Variants in LTBP1 observed in about 807,000 individuals in gnomAD.
LTBP1 encodes latent transforming growth factor beta binding protein 1.
Under a neutral mutation model 207.6 loss-of-function variants are expected in LTBP1, and 129 were observed. The observed-to-expected ratio is 0.62, with a 90% CI of 0.54 to 0.72. LTBP1 has a LOEUF of 0.72. Ranked by LOEUF, LTBP1 falls within the 30% of genes least tolerant of loss-of-function variation. LTBP1 has a pLI of 0.00. For missense variants in LTBP1, 2,281 were observed against 2,217.2 expected (o/e 1.03, Z -0.58); for synonymous variants, 963 against 833.7 (o/e 1.16, Z -2.67).
chr2:33,075,192 A>C (rs1365305165), intron 3 of LTBP1, among the ~76,000 whole-genome samples: 1 of 152,232 alleles, frequency 6.6e-6, no homozygotes, highest in Admixed American at 6.5e-5. Context: ...CTGTAATTCT[A>C]GCTCCTCAGG....
chr2:33,261,103 G>A (rs1454247979), intron 13 of LTBP1, among the ~76,000 whole-genome samples: 2 of 152,276 alleles, frequency 1.3e-5, no homozygotes, highest in African/African-American at 2.4e-5. Context: ...GTCAGAAACC[G>A]AATTAGGGAC....
chr2:33,262,669 C>T lies in LTBP1; in HGVS notation c.2419-53C>T, dbSNP rs1430783689. ...ATATGTGGGAAACTAAAAATAATTT[C>T]CACTTTCAATTCTTTTTTTTTTCTT... On this transcript the variant is annotated intron_variant, in intron 13 of 33. Coordinates refer to ENST00000404816, the MANE Select transcript of LTBP1 (RefSeq NM_206943.4). 47 of 902,192 alleles carry T rather than the reference C, an allele frequency of 5.2e-5. 2 individuals are homozygous for T. In the East Asian group the frequency reaches 1.2e-3, roughly 23 times the overall value. 55.9% of individuals were successfully genotyped at this position (902,192 alleles called of 1,614,324 possible). A position where few individuals can be genotyped will look rare whatever the true frequency, so the allele number is the denominator to read the frequency against.
At chr2:33,120,320 T>C (rs10182809) in intron 4 of LTBP1, among the ~76,000 whole-genome samples, 58,689 of 152,000 alleles carry the variant, frequency 0.39, 11,499 homozygotes, top group South Asian at 0.47. Context: ...TTATCTTTTC[T>C]GCCCTTCTCC....
chr2:33,217,421 G>GT (rs1374806140), intron 7 of LTBP1, 131 bp from the exon 8 acceptor site: 4 of 540,714 alleles, frequency 7.4e-6, no homozygotes, highest in Admixed American at 3.0e-5. Flanking sequence ...AAGTTTTATA[G>GT]TTTTTTTCCT....
At chr2:33,339,490 C>G (rs1023386233) in intron 24 of LTBP1, among the ~76,000 whole-genome samples, 3 of 152,060 alleles carry the variant, frequency 2.0e-5, no homozygotes, top group Non-Finnish European at 4.4e-5. Context: ...GATTTGGTGA[C>G]GCGATGCAGT....
chr2:33,109,751 A>C, intron 3 of LTBP1, among the ~76,000 whole-genome samples: 1 of 152,262 alleles, frequency 6.6e-6, no homozygotes, highest in East Asian at 1.9e-4. Flanking sequence ...ATCGTAATTT[A>C]TATTTCAAAA....
intron 13 of LTBP1, among the ~76,000 whole-genome samples, 191 bp downstream of exon 13, chr2:33,259,801 A>G (rs1203079524): frequency 2.0e-5 from 3 of 152,156 alleles, no homozygotes; most frequent in Non-Finnish European, 4.4e-5. Context: ...GACTCTTCTC[A>G]GTGTTAGGAA....
intron 5 of LTBP1, among the ~76,000 whole-genome samples, chr2:33,149,966 T>C (rs1000354807): frequency 6.6e-6 from 1 of 152,208 alleles, no homozygotes; most frequent in Non-Finnish European, 1.5e-5. Context: ...ACACATGCCC[T>C]TTGAAGGATC....
intron 9 of LTBP1, among the ~76,000 whole-genome samples, chr2:33,228,585 A>G (rs1393686077): frequency 3.3e-5 from 5 of 152,070 alleles, no homozygotes; most frequent in Non-Finnish European, 7.3e-5. Context: ...CTTCAAAACA[A>G]TCCTATGAGA....
intron 2 of LTBP1, among the ~76,000 whole-genome samples, chr2:32,950,257 GT>G (rs1676896255): frequency 6.6e-6 from 1 of 152,124 alleles, no homozygotes; most frequent in African/African-American, 2.4e-5. Flanking sequence ...CTGAGTAAAG[GT>G]TAAAAATACG....
chr2:33,306,745 C>T (rs150177235), intron 22 of LTBP1, among the ~76,000 whole-genome samples: 4 of 152,136 alleles, frequency 2.6e-5, no homozygotes, highest in East Asian at 3.9e-4. Context: ...TGCTTCTCCT[C>T]GCTTCATTAT....
chr2:33,050,139 TTTTTC>T (rs1374820415), intron 3 of LTBP1, among the ~76,000 whole-genome samples: 2 of 139,924 alleles, frequency 1.4e-5, no homozygotes, highest in African/African-American at 5.1e-5. Context: ...CATTTTTTTT[TTTTTC>T]TTTTCTTTTC....
Position 33,301,519 on chromosome 2 carries a change from T to C in LTBP1, c.3359-3T>C, listed in dbSNP as rs928378824. Reference sequence around the variant, plus strand: ...CAGTTTCTTTGTATTCTCTTGCTCATAGACATTGATGAATGCCAGCACCGT... The same window carrying C: ...CAGTTTCTTTGTATTCTCTTGCTCACAGACATTGATGAATGCCAGCACCGT... On this transcript the variant is annotated splice_region_variant and splice_polypyrimidine_tract_variant and intron_variant, in intron 21 of 33. Transcript: ENST00000404816. The C allele has an allele frequency of 6.3e-7, 1 of 1,589,766 alleles. No individual in the cohort carries two copies. Among genetic ancestry groups the C allele is most frequent in the Non-Finnish European group, 8.5e-7 (1 of 1,172,002 alleles).
At chr2:32,972,154 T>C (rs1249911292) in intron 2 of LTBP1, among the ~76,000 whole-genome samples, 1 of 151,810 alleles carries the variant, frequency 6.6e-6, no homozygotes, top group Non-Finnish European at 1.5e-5. Context: ...TAATATCTTC[T>C]TTATCATTTC....
chr2:33,361,385 A>G (rs774655711), intron 27 of LTBP1, 44 bp from the exon 28 acceptor site: 2 of 1,277,682 alleles, frequency 1.6e-6, no homozygotes, highest in East Asian at 4.7e-5. Flanking sequence ...GCATTCATGG[A>G]AGATGTTGAA....
intron 28 of LTBP1, 80 bp downstream of exon 28, chr2:33,361,595 C>T: frequency 9.7e-7 from 1 of 1,027,972 alleles, no homozygotes; most frequent in Non-Finnish European, 1.5e-6. Flanking sequence ...TTGGGTTTCA[C>T]AGAATTAGAG....
intron 5 of LTBP1, among the ~76,000 whole-genome samples, chr2:33,176,659 G>A (rs1396185238): frequency 1.3e-5 from 2 of 152,168 alleles, no homozygotes; most frequent in African/African-American, 2.4e-5. Context: ...AGTGGTGAAC[G>A]AAATAATCTA....
chr2:33,278,251 G>A (rs1256065566), intron 18 of LTBP1, among the ~76,000 whole-genome samples: 1 of 152,180 alleles, frequency 6.6e-6, no homozygotes, highest in East Asian at 1.9e-4. Context: ...TTGGAAGCTT[G>A]TAGGAGAATA....
At chr2:33,149,304 AGCAACAAAGTTGAGAAGGCCT>A (rs2083328726) in intron 5 of LTBP1, among the ~76,000 whole-genome samples, 1 of 150,504 alleles carries the variant, frequency 6.6e-6, no homozygotes, top group Non-Finnish European at 1.5e-5. Flanking sequence ...AAATGTCATT[AGCAACAAAGTTGAGAAGGCCT>A]GCTCCTTAGA....
Sources: gnomAD v4.1 joint callset for allele counts (sites outside exome capture counted in the v4.1 genomes callset) on GRCh38, gnomAD v4.1.1 for gene constraint, MANE v1.5 for transcripts, NCBI Gene and HGNC (gene_info 2026-07-23, HGNC 2026-07-21) for gene names.